RBIS: variants seen among roughly 807,000 people sequenced by gnomAD.
RBIS encodes ribosome biogenesis factor identified in screen.
In RBIS, 9 loss-of-function variants were observed where a neutral mutation model predicts 9.8. The ratio of observed to expected loss-of-function variants is 0.92; its 90% CI spans 0.56 to 1.61. The LOEUF (loss-of-function observed/expected upper bound fraction) is 1.61, where lower values mean the gene tolerates loss of function less well. RBIS is among the 40% of genes most tolerant of loss of function. RBIS has a pLI of 0.00. For synonymous variants in RBIS, 35 were observed against 37.9 expected (o/e 0.92, Z 0.28); for missense variants, 103 against 116.0 (o/e 0.89, Z 0.51).
intron 1 of RBIS, 61 bp from the exon 2 acceptor site, chr8:85,217,563 A>C (rs963801825): frequency 9.4e-7 from 1 of 1,061,156 alleles, no homozygotes; most frequent in Non-Finnish European, 1.4e-6. Flanking sequence ...GTCAATTTTA[A>C]GTTTTTAAAG....
At position 85,217,379 on chromosome 8, in the gene RBIS, T is replaced by C; in HGVS notation, c.114+7A>G. 2 of 1,498,496 alleles carry C rather than the reference T, an allele frequency of 1.3e-6. No individual in the cohort carries two copies. The highest frequency in any genetic ancestry group is 1.9e-6 in the Non-Finnish European group (2 of 1,075,008). The allele number at this position is 1,498,496 out of a possible 1,614,324, so 92.8% of individuals were successfully genotyped here. A position where few individuals can be genotyped will look rare whatever the true frequency, so the allele number is the denominator to read the frequency against. On this transcript the variant is annotated splice_region_variant and intron_variant, in intron 2 of 3. Coordinates refer to ENST00000619594, the MANE Select transcript of RBIS (RefSeq NM_001099673.3). The stretch of plus-strand genomic sequence containing the variant: ...CAATAAAGTCAGAGTGCTTAACTAA[T>C]ACTCACCTTCTTAAGATTAGTGGTA...
intron 2 of RBIS, 137 bp from the exon 3 acceptor site, chr8:85,215,174 T>C (rs562317597): frequency 1.3e-5 from 6 of 457,404 alleles, no homozygotes; most frequent in Non-Finnish European, 1.9e-5. Flanking sequence ...AAAATTCTTA[T>C]AGTCTTATTG....
intron 1 of RBIS, 99 bp from the exon 2 acceptor site, chr8:85,217,601 C>G: frequency 2.7e-6 from 2 of 741,534 alleles, no homozygotes; most frequent in East Asian, 2.5e-5. Context: ...AAAATTCTAT[C>G]TTACTCTTGA....
chr8:85,217,104 T>C (rs1813181640), intron 2 of RBIS: 1 of 568,366 alleles, frequency 1.8e-6, no homozygotes, highest in African/African-American at 1.9e-5. Context: ...TCCCATACTA[T>C]GGTTTTTAAA....
chr8:85,220,028 G>A (rs1429426022), intron 1 of RBIS, among the ~76,000 whole-genome samples: 1 of 152,188 alleles, frequency 6.6e-6, no homozygotes, highest in Non-Finnish European at 1.5e-5. Flanking sequence ...CGTGGAGAAA[G>A]TAATACACTA....
chr8:85,217,555 CAATTTT>C (rs1247847620), intron 1 of RBIS, 53 bp from the exon 2 acceptor site: 2 of 1,169,902 alleles, frequency 1.7e-6, no homozygotes, highest in Non-Finnish European at 2.5e-6. Flanking sequence ...AACCGTAAGT[CAATTTT>C]AAGTTTTTAA....
In RBIS at chr8:85,215,056, G is replaced by A. The variant is rs1813085274; in HGVS notation, c.115-19C>T. On this transcript the variant is annotated intron_variant, in intron 2 of 3. Transcript: ENST00000619594. ...TGTTTATCTTTTAAAAAGAAAAAAA[G>A]CATTAATCTATGATCTCATAACCAT... 9.8e-7 allele frequency: 1 copy of A among 1,019,480 alleles called. No individual in the cohort carries two copies. The highest frequency in any genetic ancestry group is 1.5e-6 in the Non-Finnish European group (1 of 679,488). 63.2% of individuals were successfully genotyped at this position (1,019,480 alleles called of 1,614,324 possible). A position where few individuals can be genotyped will look rare whatever the true frequency, so the allele number is the denominator to read the frequency against.
Position 85,215,048 on chromosome 8 carries a change from G to A in RBIS, c.115-11C>T. ...ATTCATAATGTTTATCTTTTAAAAA[G>A]AAAAAAAGCATTAATCTATGATCTC... On this transcript the variant is annotated splice_polypyrimidine_tract_variant and intron_variant, in intron 2 of 3. Coordinates refer to ENST00000619594, the MANE Select transcript of RBIS (RefSeq NM_001099673.3). 18 of 1,106,160 alleles carry A rather than the reference G, an allele frequency of 1.6e-5. No individual in the cohort carries two copies. The highest frequency in any genetic ancestry group is 7.2e-5 in the Admixed American group (3 of 41,720). The allele number at this position is 1,106,160 out of a possible 1,614,324, so 68.5% of individuals were successfully genotyped here.
At chr8:85,214,709 T>C (rs1813065560) in intron 3 of RBIS, 78 bp from the exon 4 acceptor site, 8 of 959,204 alleles carry the variant, frequency 8.3e-6, no homozygotes, top group Non-Finnish European at 1.3e-5. Context: ...GTTATTCAAT[T>C]TAATTTTTCT....
intron 1 of RBIS, 62 bp from the exon 2 acceptor site, chr8:85,217,564 GT>G: frequency 9.9e-7 from 1 of 1,007,250 alleles, no homozygotes; most frequent in Non-Finnish European, 1.5e-6. Flanking sequence ...TCAATTTTAA[GT>G]TTTTAAAGGT....
At chr8:85,219,186 G>A (rs894726803) in intron 1 of RBIS, 1 of 152,150 alleles carries the variant, frequency 6.6e-6, no homozygotes, top group Non-Finnish European at 1.5e-5. Context: ...TAGCCAGCCT[G>A]GTCTAACTGT....
rs1036400460 is a variant in RBIS, at chr8:85,214,095, A to C, written c.*465T>G. On this transcript the variant is annotated 3_prime_UTR_variant, in exon 4 of 4. Transcript: ENST00000619594. Reference sequence around the variant, plus strand: ...ATCCACAAACGTCCCCACTCCCAAAAGTAACTATATTCTGGATTTCAACTT... The same window carrying C: ...ATCCACAAACGTCCCCACTCCCAAACGTAACTATATTCTGGATTTCAACTT... The C allele has an allele frequency of 8.5e-6, 5 of 584,970 alleles. No individual in the cohort carries two copies. Among genetic ancestry groups the C allele is most frequent in the Non-Finnish European group, 1.3e-5 (4 of 318,162 alleles). The allele number at this position is 584,970 out of a possible 1,614,324, so 36.2% of individuals were successfully genotyped here. A position where few individuals can be genotyped will look rare whatever the true frequency, so the allele number is the denominator to read the frequency against.
chr8:85,217,668 T>A (rs143667089), intron 1 of RBIS, 166 bp from the exon 2 acceptor site: 9 of 604,038 alleles, frequency 1.5e-5, no homozygotes, highest in Non-Finnish European at 2.3e-5. Flanking sequence ...TAGTAGATTT[T>A]CTGCTCTTTG....
At position 85,214,309 on chromosome 8, in the gene RBIS, A is replaced by G. The variant is rs1199294240; in HGVS notation, c.*251T>C. 1 of 588,982 alleles carries G rather than the reference A, an allele frequency of 1.7e-6. No individual in the cohort carries two copies. The highest frequency in any genetic ancestry group is 1.7e-5 in the South Asian group (1 of 58,148). 36.5% of individuals were successfully genotyped at this position (588,982 alleles called of 1,614,324 possible). A position where few individuals can be genotyped will look rare whatever the true frequency, so the allele number is the denominator to read the frequency against. On this transcript the variant is annotated 3_prime_UTR_variant, in exon 4 of 4. Coordinates refer to ENST00000619594, the MANE Select transcript of RBIS (RefSeq NM_001099673.3). ...TTCACTGCCACTTGTAAAGTGAAGG[A>G]TGTAAACGAGGATATATAACTGTTT...
Position 85,217,465 on chromosome 8 carries a change from C to G in RBIS, c.35G>C (p.Arg12Thr). The stretch of plus-strand genomic sequence containing the variant: ...TTGGCTGGCTATGTGAAATACATTC[C>G]TGGACTTCGGCCCTCTTAATTTGTT... The part of the protein sequence containing the change: ...AKNKLRGPKS[R>T]NVFHIASQKN... Residue 12 changes from arginine to threonine, a missense_variant, in exon 2 of 4, where the codon AGG (arginine) becomes ACG (threonine). Physicochemically the swap from Arg to Thr is moderately conservative, Grantham distance 71. Transcript: ENST00000619594. The G allele has an allele frequency of 6.2e-7, 1 of 1,612,146 alleles. No individual in the cohort carries two copies.
At chr8:85,215,139 C>T (rs1813089023) in intron 2 of RBIS, 102 bp from the exon 3 acceptor site, 1 of 487,534 alleles carries the variant, frequency 2.1e-6, no homozygotes, top group Non-Finnish European at 3.6e-6. Flanking sequence ...AAACTCTTAC[C>T]AACAAATTAG....
At chr8:85,217,541 T>C in intron 1 of RBIS, 39 bp from the exon 2 acceptor site, 4 of 1,273,872 alleles carry the variant, frequency 3.1e-6, no homozygotes, top group Non-Finnish European at 4.6e-6. Context: ...TGCCCACATT[T>C]ATGAACCGTA....
At position 85,214,516 on chromosome 8, in the gene RBIS, C is replaced by A; in HGVS notation, c.*44G>T. Reference sequence around the variant, plus strand: ...TAAAAATAAAATTGTATAAAACATTCAATTTATTGGTCTTTGTGGAGAATT... The same window carrying A: ...TAAAAATAAAATTGTATAAAACATTAAATTTATTGGTCTTTGTGGAGAATT... On this transcript the variant is annotated 3_prime_UTR_variant, in exon 4 of 4. Transcript: ENST00000619594. The A allele has an allele frequency of 8.0e-7, 1 of 1,256,344 alleles. No homozygotes were observed. Among genetic ancestry groups the A allele is most frequent in the Non-Finnish European group, 1.2e-6 (1 of 867,930 alleles). 77.8% of individuals were successfully genotyped at this position (1,256,344 alleles called of 1,614,324 possible).
Position 85,217,408 on chromosome 8 carries a change from G to C in RBIS, c.92C>G (p.Pro31Arg). 1 of 1,604,616 alleles carries C rather than the reference G, an allele frequency of 6.2e-7. No individual in the cohort carries two copies. Among genetic ancestry groups the C allele is most frequent in the Non-Finnish European group, 8.5e-7 (1 of 1,171,732 alleles). The change falls in exon 2 of 4, where the codon CCA (proline) becomes CGA (arginine). Residue 31 changes from proline to arginine, a missense_variant. Pro to Arg is a moderately radical substitution (Grantham distance 103). Coordinates refer to ENST00000619594, the MANE Select transcript of RBIS (RefSeq NM_001099673.3). ...KNFKAKNKAKPVTTNLKKINI... is the reference protein window; with the variant it reads ...KNFKAKNKAKRVTTNLKKINI... ...CACCTTCTTAAGATTAGTGGTAACT[G>C]GTTTTGCTTTGTTTTTAGCCTTAAA...
Sources: gnomAD v4.1 joint callset for allele counts (sites outside exome capture counted in the v4.1 genomes callset) on GRCh38, gnomAD v4.1.1 for gene constraint, MANE v1.5 for transcripts, NCBI Gene and HGNC (gene_info 2026-07-23, HGNC 2026-07-21) for gene names.